The following DYNLL2 variants were observed in gnomAD, a reference collection of about 807,000 sequenced individuals.
DYNLL2 encodes dynein light chain LC8-type 2.
Under a neutral mutation model 9.7 loss-of-function variants are expected in DYNLL2, and 1 was observed. The ratio of observed to expected loss-of-function variants is 0.10; its 90% CI spans 0.04 to 0.49. The LOEUF (loss-of-function observed/expected upper bound fraction) is 0.49. DYNLL2 is among the 20% of genes least tolerant of loss of function. DYNLL2 has a pLI of 0.95. For missense variants in DYNLL2, 37 were observed against 115.2 expected, an observed-to-expected ratio of 0.32 and a Z score of 3.11; for synonymous variants, 35 against 40.5, an observed-to-expected ratio of 0.86 and a Z score of 0.52.
rs1173139281 is a variant in DYNLL2, at chr17:58,092,058, A to G, written c.*2779A>G. On this transcript the variant is annotated 3_prime_UTR_variant, in exon 3 of 3. Coordinates refer to ENST00000579991, the MANE Select transcript of DYNLL2 (RefSeq NM_080677.3). ...TGTTATCAAGGAAATGAACTGGGCA[A>G]TGAGCTATTGAGTGTTGGAGGTAGG... 6.6e-6 allele frequency: 1 copy of G among 152,214 alleles called. No individual in the cohort carries two copies. Among genetic ancestry groups the G allele is most frequent in the African/African-American group, 2.4e-5 (1 of 41,450 alleles). 9.4% of individuals were successfully genotyped at this position (152,214 alleles called of 1,614,324 possible).
chr17:58,094,772 TCTC>T lies in DYNLL2; in HGVS notation c.*5495_*5497del, dbSNP rs1158852559. The T allele has an allele frequency of 6.6e-6, 1 of 152,234 alleles. No individual in the cohort carries two copies. 9.4% of individuals were successfully genotyped at this position (152,234 alleles called of 1,614,324 possible). A position where few individuals can be genotyped will look rare whatever the true frequency, so the allele number is the denominator to read the frequency against. On this transcript the variant is annotated 3_prime_UTR_variant, in exon 3 of 3. Coordinates refer to ENST00000579991, the MANE Select transcript of DYNLL2 (RefSeq NM_080677.3). ...TTTGCAGTCACTTGCCATTCCCTCT[TCTC>T]CCCAGCCCTGGGAAACCACTGACCT...
rs1567765085 is a variant in DYNLL2, at chr17:58,083,578, G to GGCT, written c.-109_-107dup. Reference sequence around the variant, plus strand: ...GGGAGCCGGAGACCGCGGCGGCGGCGGCTGCTGCAGCTGCAGGAGGAGCCC... The same window carrying GGCT: ...GGGAGCCGGAGACCGCGGCGGCGGCGGCTGCTGCTGCAGCTGCAGGAGGAGCCC... On this transcript the variant is annotated 5_prime_UTR_variant, in exon 1 of 3. Coordinates refer to ENST00000579991, the MANE Select transcript of DYNLL2 (RefSeq NM_080677.3). The GGCT allele has an allele frequency of 1.3e-5, 2 of 153,956 alleles. No homozygotes were observed. The highest frequency in any genetic ancestry group is 3.5e-4 in the South Asian group (2 of 5,680). 9.5% of individuals were successfully genotyped at this position (153,956 alleles called of 1,614,324 possible).
At position 58,087,216 on chromosome 17, in the gene DYNLL2, C is replaced by T. The variant is rs1176205269; in HGVS notation, c.126C>T (p.Ile42=). ...YNIEKDIAAY[I]KKEFDKKYNP... Reference sequence around the variant, plus strand: ...TAGAGAAGGACATTGCTGCCTATATCAAGAAGGTGTGCTGGGAGAGCTGGG... The same window carrying T: ...TAGAGAAGGACATTGCTGCCTATATTAAGAAGGTGTGCTGGGAGAGCTGGG... Residue 42 remains isoleucine, a synonymous_variant, in exon 2 of 3, where the codon ATC becomes ATT. Transcript: ENST00000579991. The T allele has an allele frequency of 1.2e-6, 2 of 1,613,906 alleles. No homozygotes were observed. Among genetic ancestry groups the T allele is most frequent in the Non-Finnish European group, 1.7e-6 (2 of 1,179,930 alleles).
Position 58,090,486 on chromosome 17 carries a change from A to T in DYNLL2, c.*1207A>T, listed in dbSNP as rs925873770. ...TCCCTGGGAAGGCTTTAGGAGGACC[A>T]CCCAGGACAGGATGACCATGCTGCC... On this transcript the variant is annotated 3_prime_UTR_variant, in exon 3 of 3. Transcript: ENST00000579991. 2 of 152,122 alleles carry T rather than the reference A, an allele frequency of 1.3e-5. No individual in the cohort carries two copies. Among genetic ancestry groups the T allele is most frequent in the Non-Finnish European group, 2.9e-5 (2 of 68,092 alleles). 9.4% of individuals were successfully genotyped at this position (152,122 alleles called of 1,614,324 possible).
At chr17:58,087,946 AG>A in intron 2 of DYNLL2, among the ~76,000 whole-genome samples, 1 of 152,194 alleles carries the variant, frequency 6.6e-6, no homozygotes, top group East Asian at 1.9e-4. Flanking sequence ...TGATATTCTC[AG>A]CTCTGGCATC....
chr17:58,090,477 A>C lies in DYNLL2; in HGVS notation c.*1198A>C, dbSNP rs1331750152. 6.6e-6 allele frequency: 1 copy of C among 152,086 alleles called. No individual in the cohort carries two copies. The highest frequency in any genetic ancestry group is 3.1e-3 in the Middle Eastern group (1 of 318). 9.4% of individuals were successfully genotyped at this position (152,086 alleles called of 1,614,324 possible). On this transcript the variant is annotated 3_prime_UTR_variant, in exon 3 of 3. Transcript: ENST00000579991. ...GCTGTCTGCTCCCTGGGAAGGCTTT[A>C]GGAGGACCACCCAGGACAGGATGAC...
chr17:58,086,305 G>A (rs932850811), intron 1 of DYNLL2, among the ~76,000 whole-genome samples: 13 of 152,338 alleles, frequency 8.5e-5, no homozygotes, highest in Middle Eastern at 6.8e-3. Flanking sequence ...AGGCCAAATA[G>A]TTTCTTGGAA....
rs1396534193 is a variant in DYNLL2, at chr17:58,093,178, G to C, written c.*3899G>C. 7 of 152,198 alleles carry C rather than the reference G, an allele frequency of 4.6e-5. No individual in the cohort carries two copies. Among genetic ancestry groups the C allele is most frequent in the Non-Finnish European group, 1.0e-4 (7 of 68,042 alleles). 9.4% of individuals were successfully genotyped at this position (152,198 alleles called of 1,614,324 possible). On this transcript the variant is annotated 3_prime_UTR_variant, in exon 3 of 3. Transcript: ENST00000579991. Reference sequence around the variant, plus strand: ...AGAAGGGTGCGAGCAAGCCTGGACAGGCCTGGTGCCCCAGGGCAGCCTTGC... The same window carrying C: ...AGAAGGGTGCGAGCAAGCCTGGACACGCCTGGTGCCCCAGGGCAGCCTTGC...
In DYNLL2 at chr17:58,083,458, A is replaced by AGCGGGCGTGCGGAGCGG. The variant is rs570913538; in HGVS notation, c.-228_-227insTGCGGAGCGGGCGGGCG. 1 of 131,832 alleles carries AGCGGGCGTGCGGAGCGG rather than the reference A, an allele frequency of 7.6e-6. No homozygotes were observed. The highest frequency in any genetic ancestry group is 2.1e-4 in the South Asian group (1 of 4,826). 8.2% of individuals were successfully genotyped at this position (131,832 alleles called of 1,614,324 possible). A position where few individuals can be genotyped will look rare whatever the true frequency, so the allele number is the denominator to read the frequency against. ...GCGGAGCTGTGAGGCGCCAGTGCGGAGCGGGCGGGCGGGCGGGCGGCGTGA... is the reference window on the plus strand; with the variant it reads ...GCGGAGCTGTGAGGCGCCAGTGCGGAGCGGGCGTGCGGAGCGGGCGGGCGGGCGGGCGGGCGGCGTGA... On this transcript the variant is annotated 5_prime_UTR_variant, in exon 1 of 3. Transcript: ENST00000579991.
rs2075742025 is a variant in DYNLL2 at position 58,083,449 on chromosome 17, C to G, written c.-244C>G. 2.7e-5 allele frequency: 2 copies of G among 73,916 alleles called. No homozygotes were observed. Among genetic ancestry groups the G allele is most frequent in the Admixed American group, 1.6e-4 (1 of 6,184 alleles). 4.6% of individuals were successfully genotyped at this position (73,916 alleles called of 1,614,324 possible). A position where few individuals can be genotyped will look rare whatever the true frequency, so the allele number is the denominator to read the frequency against. On this transcript the variant is annotated 5_prime_UTR_variant, in exon 1 of 3. Transcript: ENST00000579991. ...CAGAGCGGAGCGGAGCTGTGAGGCG[C>G]CAGTGCGGAGCGGGCGGGCGGGCGG...
At position 58,092,172 on chromosome 17, in the gene DYNLL2, T is replaced by A. The variant is rs1168721414; in HGVS notation, c.*2893T>A. The A allele has an allele frequency of 6.6e-6, 1 of 152,242 alleles. No homozygotes were observed. Among genetic ancestry groups the A allele is most frequent in the Non-Finnish European group, 1.5e-5 (1 of 68,044 alleles). The allele number at this position is 152,242 out of a possible 1,614,324, so 9.4% of individuals were successfully genotyped here. On this transcript the variant is annotated 3_prime_UTR_variant, in exon 3 of 3. Transcript: ENST00000579991. ...GGCAGTGAGGTCCTAAGGGATTAAGTTGAGAGACTCTAGAGCCCCAACTTC... is the reference window on the plus strand; with the variant it reads ...GGCAGTGAGGTCCTAAGGGATTAAGATGAGAGACTCTAGAGCCCCAACTTC...
chr17:58,083,466 G>GGCGGGCGGGCGGCGTGAGGCGGAGC lies in DYNLL2; in HGVS notation c.-218_-194dup, dbSNP rs919861811. ...GTGAGGCGCCAGTGCGGAGCGGGCGGGCGGGCGGGCGGCGTGAGGCGGAGC... is the reference window on the plus strand; with the variant it reads ...GTGAGGCGCCAGTGCGGAGCGGGCGGGCGGGCGGGCGGCGTGAGGCGGAGCGCGGGCGGGCGGCGTGAGGCGGAGC... On this transcript the variant is annotated 5_prime_UTR_variant, in exon 1 of 3. Transcript: ENST00000579991. 12 of 148,026 alleles carry GGCGGGCGGGCGGCGTGAGGCGGAGC rather than the reference G, an allele frequency of 8.1e-5. No individual in the cohort carries two copies. The highest frequency in any genetic ancestry group is 3.4e-4 in the Admixed American group (5 of 14,872). 9.2% of individuals were successfully genotyped at this position (148,026 alleles called of 1,614,324 possible).
Position 58,090,031 on chromosome 17 carries a change from A to G in DYNLL2, c.*752A>G. ...GGATGCTGGGGTAGGATTAGCTTGA[A>G]TCTTTTTTTTCTTTACATTTTTCTC... On this transcript the variant is annotated 3_prime_UTR_variant, in exon 3 of 3. Transcript: ENST00000579991. 2.5e-6 allele frequency: 1 copy of G among 397,588 alleles called. No homozygotes were observed. The highest frequency in any genetic ancestry group is 4.4e-6 in the Non-Finnish European group (1 of 225,826). 24.6% of individuals were successfully genotyped at this position (397,588 alleles called of 1,614,324 possible). A position where few individuals can be genotyped will look rare whatever the true frequency, so the allele number is the denominator to read the frequency against.
At chr17:58,086,098 G>A (rs1157462589) in intron 1 of DYNLL2, among the ~76,000 whole-genome samples, 2 of 152,144 alleles carry the variant, frequency 1.3e-5, no homozygotes, top group Non-Finnish European at 2.9e-5. Context: ...CTGTGTGACC[G>A]ACCAGCCAAG....
At position 58,089,899 on chromosome 17, in the gene DYNLL2, G is replaced by A; in HGVS notation, c.*620G>A. 2.5e-6 allele frequency: 1 copy of A among 398,758 alleles called. No individual in the cohort carries two copies. The highest frequency in any genetic ancestry group is 3.6e-5 in the East Asian group (1 of 28,074). 24.7% of individuals were successfully genotyped at this position (398,758 alleles called of 1,614,324 possible). ...AGATGTGTTTGTCTGTGGTGTGTGGGAGTGGGGAGCAGATTTGTCTTGCTG... is the reference window on the plus strand; with the variant it reads ...AGATGTGTTTGTCTGTGGTGTGTGGAAGTGGGGAGCAGATTTGTCTTGCTG... On this transcript the variant is annotated 3_prime_UTR_variant, in exon 3 of 3. Transcript: ENST00000579991.
chr17:58,085,258 A>T (rs2075755505), intron 1 of DYNLL2, among the ~76,000 whole-genome samples: 1 of 152,190 alleles, frequency 6.6e-6, no homozygotes, highest in African/African-American at 2.4e-5. Context: ...GGATGCGGTC[A>T]AGGGCTGCCT....
chr17:58,094,767 C>G lies in DYNLL2; in HGVS notation c.*5488C>G, dbSNP rs144266881. 6.6e-6 allele frequency: 1 copy of G among 152,328 alleles called. No individual in the cohort carries two copies. The highest frequency in any genetic ancestry group is 1.9e-4 in the East Asian group (1 of 5,192). 9.4% of individuals were successfully genotyped at this position (152,328 alleles called of 1,614,324 possible). A position where few individuals can be genotyped will look rare whatever the true frequency, so the allele number is the denominator to read the frequency against. Reference sequence around the variant, plus strand: ...ACCCATTTGCAGTCACTTGCCATTCCCTCTTCTCCCCAGCCCTGGGAAACC... The same window carrying G: ...ACCCATTTGCAGTCACTTGCCATTCGCTCTTCTCCCCAGCCCTGGGAAACC... On this transcript the variant is annotated 3_prime_UTR_variant, in exon 3 of 3. Transcript: ENST00000579991.
chr17:58,087,494 G>A (rs1212270693), intron 2 of DYNLL2, among the ~76,000 whole-genome samples: 1 of 152,186 alleles, frequency 6.6e-6, no homozygotes, highest in African/African-American at 2.4e-5. Flanking sequence ...CATTGGGGAA[G>A]GATAAGATTA....
rs2075790925 is a variant in DYNLL2, at chr17:58,094,434, C to T, written c.*5155C>T. ...CCCTATTGCACCACCAGCCTTCTCC[C>T]TCCCTGCTCAATTATACCCATGTTA... On this transcript the variant is annotated 3_prime_UTR_variant, in exon 3 of 3. Coordinates refer to ENST00000579991, the MANE Select transcript of DYNLL2 (RefSeq NM_080677.3). 4 of 152,182 alleles carry T rather than the reference C, an allele frequency of 2.6e-5. No individual in the cohort carries two copies. Among genetic ancestry groups the T allele is most frequent in the Admixed American group, 2.6e-4 (4 of 15,276 alleles). 9.4% of individuals were successfully genotyped at this position (152,182 alleles called of 1,614,324 possible). A position where few individuals can be genotyped will look rare whatever the true frequency, so the allele number is the denominator to read the frequency against.
Sources: allele counts gnomAD v4.1 joint callset (sites outside exome capture counted in the v4.1 genomes callset), GRCh38; gene constraint gnomAD v4.1.1; transcripts MANE v1.5; gene names NCBI Gene and HGNC (gene_info 2026-07-23, HGNC 2026-07-21).